The following ERBB4 variants were observed in gnomAD, a reference collection of about 807,000 sequenced individuals.
ERBB4 encodes receptor tyrosine-protein kinase erbB-4.
Under a neutral mutation model 158.0 loss-of-function variants are expected in ERBB4, and 42 were observed. The ratio of observed to expected loss-of-function variants is 0.27; its 90% CI spans 0.21 to 0.34. The LOEUF (loss-of-function observed/expected upper bound fraction) is 0.34. Ranked by LOEUF, ERBB4 falls within the 10% of genes least tolerant of loss-of-function variation. The probability of loss-of-function intolerance (pLI) is 1.00; values close to 1 mark genes in which losing one functional copy is unlikely to be tolerated. For synonymous variants in ERBB4, 583 were observed against 558.7 expected (o/e 1.04, Z -0.61); for missense variants, 1,333 against 1,624.1 (o/e 0.82, Z 3.08).
At chr2:212,280,495 T>A (rs2085714458) in intron 1 of ERBB4, among the ~76,000 whole-genome samples, 1 of 151,654 alleles carries the variant, frequency 6.6e-6, no homozygotes, top group African/African-American at 2.4e-5. Context: ...AAAATCAATA[T>A]TCTACATCTT....
At chr2:211,703,414 A>T (rs899465143) in intron 11 of ERBB4, among the ~76,000 whole-genome samples, 19 of 152,334 alleles carry the variant, frequency 1.2e-4, no homozygotes, top group Non-Finnish European at 2.6e-4. Context: ...ACTTTTTATA[A>T]AACATTATTA....
intron 1 of ERBB4, among the ~76,000 whole-genome samples, chr2:212,373,983 TATC>T (rs2090215327): frequency 8.2e-6 from 1 of 122,274 alleles, no homozygotes; most frequent in Non-Finnish European, 1.8e-5. Context: ...CATATATATA[TATC>T]CATATATATC....
rs1389528886 is a variant in ERBB4 at position 211,379,949 on chromosome 2, T to C, written c.*3666A>G. ...AGCAGAGCCTCACACAGTCCTTTTC[T>C]TGATTTTTCCTTAGCATTGTAAGTA... On this transcript the variant is annotated 3_prime_UTR_variant, in exon 28 of 28. Coordinates refer to ENST00000342788, the MANE Select transcript of ERBB4 (RefSeq NM_005235.3). 8.6e-6 allele frequency: 2 copies of C among 232,014 alleles called. No homozygotes were observed. The highest frequency in any genetic ancestry group is 5.6e-5 in the Admixed American group (1 of 17,714). The allele number at this position is 232,014 out of a possible 1,614,324, so 14.4% of individuals were successfully genotyped here.
At chr2:212,001,632 A>G (rs2076107845) in intron 2 of ERBB4, among the ~76,000 whole-genome samples, 2 of 152,286 alleles carry the variant, frequency 1.3e-5, no homozygotes, top group South Asian at 4.1e-4. Context: ...TTGAATGAGA[A>G]CCACACTTTT....
At chr2:212,181,309 T>A (rs2081855480) in intron 1 of ERBB4, among the ~76,000 whole-genome samples, 1 of 151,724 alleles carries the variant, frequency 6.6e-6, no homozygotes, top group African/African-American at 2.4e-5. Context: ...TTTGTTGTTG[T>A]TGGGCTGCCA....
At chr2:211,998,482 G>C (rs1180901767) in intron 2 of ERBB4, among the ~76,000 whole-genome samples, 3 of 146,624 alleles carry the variant, frequency 2.0e-5, no homozygotes, top group Non-Finnish European at 4.5e-5. Flanking sequence ...TTCAGACCCA[G>C]GTATATCTGA....
intron 2 of ERBB4, among the ~76,000 whole-genome samples, chr2:212,086,704 T>C (rs1281851981): frequency 6.6e-6 from 1 of 151,990 alleles, no homozygotes; most frequent in Non-Finnish European, 1.5e-5. Context: ...CCACACTTTG[T>C]ATCAGACCAG....
chr2:211,401,885 G>T (rs2063050653), intron 25 of ERBB4, among the ~76,000 whole-genome samples: 1 of 151,254 alleles, frequency 6.6e-6, no homozygotes, highest in South Asian at 2.1e-4. Flanking sequence ...GTACTAGAAA[G>T]GTAAGAAAAA....
At chr2:211,515,501 C>T (rs7594200) in intron 20 of ERBB4, among the ~76,000 whole-genome samples, 42,391 of 151,704 alleles carry the variant, frequency 0.28, 6,324 homozygotes, top group African/African-American at 0.37. Context: ...GTTGAGTAGA[C>T]TGCATATTAG....
At chr2:212,407,724 T>C (rs1162221540) in intron 1 of ERBB4, among the ~76,000 whole-genome samples, 1 of 152,116 alleles carries the variant, frequency 6.6e-6, no homozygotes, top group Admixed American at 6.6e-5. Flanking sequence ...GTTACTTCAA[T>C]GAATTAGAAG....
At chr2:212,261,227 A>C (rs1258749574) in intron 1 of ERBB4, among the ~76,000 whole-genome samples, 1 of 152,246 alleles carries the variant, frequency 6.6e-6, no homozygotes, top group Non-Finnish European at 1.5e-5. Context: ...ATTATATACA[A>C]GGTTACACAA....
intron 20 of ERBB4, among the ~76,000 whole-genome samples, chr2:211,469,373 C>G (rs967687628): frequency 6.6e-6 from 1 of 152,086 alleles, no homozygotes; most frequent in African/African-American, 2.4e-5. Flanking sequence ...GACACACTTT[C>G]CAGCAGGAAA....
At chr2:212,360,517 T>C (rs191199484) in intron 1 of ERBB4, among the ~76,000 whole-genome samples, 31 of 151,840 alleles carry the variant, frequency 2.0e-4, no homozygotes, top group Non-Finnish European at 3.8e-4. Context: ...CTCGGGACTC[T>C]TGTAGCAACT....
At chr2:211,730,168 C>A (rs1355660272) in intron 5 of ERBB4, among the ~76,000 whole-genome samples, 1 of 151,924 alleles carries the variant, frequency 6.6e-6, no homozygotes, top group Non-Finnish European at 1.5e-5. Context: ...TTAATTACTT[C>A]TTTCAATATA....
intron 2 of ERBB4, among the ~76,000 whole-genome samples, chr2:212,116,179 T>C (rs1364655682): frequency 1.3e-5 from 2 of 151,762 alleles, no homozygotes; most frequent in Non-Finnish European, 2.9e-5. Context: ...TATATATGCA[T>C]AGATATAAAT....
chr2:212,155,048 T>C (rs2080991194), intron 1 of ERBB4, among the ~76,000 whole-genome samples: 1 of 152,182 alleles, frequency 6.6e-6, no homozygotes, highest in South Asian at 2.1e-4. Flanking sequence ...AATTCAAATG[T>C]ACTGTAAAAT....
At chr2:212,356,075 T>C (rs1006304608) in intron 1 of ERBB4, among the ~76,000 whole-genome samples, 5 of 152,090 alleles carry the variant, frequency 3.3e-5, no homozygotes, top group Non-Finnish European at 7.4e-5. Context: ...TTATTGTTTA[T>C]CCTTACAATT....
intron 1 of ERBB4, among the ~76,000 whole-genome samples, chr2:212,388,807 T>C (rs984561488): frequency 3.3e-5 from 5 of 152,144 alleles, no homozygotes; most frequent in African/African-American, 9.6e-5. Flanking sequence ...CTTGAGAGCC[T>C]TGACTTACTT....
intron 1 of ERBB4, among the ~76,000 whole-genome samples, chr2:212,485,228 G>C (rs1170472377): frequency 1.3e-5 from 2 of 152,038 alleles, no homozygotes; most frequent in East Asian, 3.8e-4. Context: ...AATTCTATTA[G>C]CTCCACATCA....
Sources: gnomAD v4.1 joint callset for allele counts (sites outside exome capture counted in the v4.1 genomes callset) on GRCh38, gnomAD v4.1.1 for gene constraint, MANE v1.5 for transcripts, NCBI Gene and HGNC (gene_info 2026-07-23, HGNC 2026-07-21) for gene names.